Variants in URM1 observed in about 807,000 individuals in gnomAD.
The protein encoded by URM1 is ubiquitin-related modifier 1.
In URM1, 11 loss-of-function variants were observed where a neutral mutation model predicts 17.7. That is an observed-to-expected ratio of 0.62 (90% CI 0.39 to 1.03). The LOEUF is 1.03. Among genes scored for constraint, URM1 ranks in the 50% least tolerant of loss-of-function variants. The probability of loss-of-function intolerance (pLI) is 0.00; values close to 1 mark genes in which losing one functional copy is unlikely to be tolerated. For missense variants in URM1, 128 were observed against 129.2 expected, an observed-to-expected ratio of 0.99 and a Z score of 0.04; for synonymous variants, 48 against 50.6, an observed-to-expected ratio of 0.95 and a Z score of 0.22.
At chr9:128,389,643 C>T (rs201991488) in intron 4 of URM1, 23 bp from the exon 5 acceptor site, 129 of 1,613,172 alleles carry the variant, frequency 8.0e-5, no homozygotes, top group Non-Finnish European at 9.8e-5. Flanking sequence ...GAGGGTCTCC[C>T]GCTCCCCTCT....
intron 2 of URM1, among the ~76,000 whole-genome samples, chr9:128,378,366 G>A (rs557551694): frequency 1.4e-4 from 22 of 151,758 alleles, no homozygotes; most frequent in African/African-American, 4.6e-4. Flanking sequence ...GTGAAATCCT[G>A]TCTCTATTAA....
Position 128,389,735 on chromosome 9 carries a change from G to T in URM1, c.*1G>T, listed in dbSNP as rs772006352. 4 of 1,613,478 alleles carry T rather than the reference G, an allele frequency of 2.5e-6. No homozygotes were observed. Among genetic ancestry groups the T allele is most frequent in the Non-Finnish European group, 2.5e-6 (3 of 1,179,980 alleles). ...CATCTCCACTCTGCACGGCGGCTGA[G>T]GGCCCTTCTCTGGGCCTGGGCACCC... On this transcript the variant is annotated 3_prime_UTR_variant, in exon 5 of 5. Coordinates refer to ENST00000372853, the MANE Select transcript of URM1 (RefSeq NM_030914.4).
At position 128,371,419 on chromosome 9, in the gene URM1, A is replaced by T; in HGVS notation, c.35+4A>T. 1 of 1,612,834 alleles carries T rather than the reference A, an allele frequency of 6.2e-7. No individual in the cohort carries two copies. Among genetic ancestry groups the T allele is most frequent in the Non-Finnish European group, 8.5e-7 (1 of 1,179,160 alleles). ...TGTCAGTGGAGGTGGAGTTCGGGTG[A>T]GTCACAGAGCTGGGGCGCCGTGGGG... is the stretch of plus-strand genomic sequence containing the variant. On this transcript the variant is annotated splice_donor_region_variant and intron_variant, in intron 1 of 4. Transcript: ENST00000372853.
intron 2 of URM1, among the ~76,000 whole-genome samples, chr9:128,378,560 A>C (rs1464157601): frequency 4.1e-5 from 6 of 146,830 alleles, no homozygotes; most frequent in Non-Finnish European, 1.5e-5. Context: ...AAAAAAAAAA[A>C]AAAAAAAAAA....
chr9:128,386,071 C>T (rs983038887), intron 2 of URM1, among the ~76,000 whole-genome samples: 4 of 152,202 alleles, frequency 2.6e-5, no homozygotes, highest in Non-Finnish European at 4.4e-5. Context: ...AGCAGAAGCA[C>T]CTTCCCTTTG....
At chr9:128,383,267 A>G (rs1833182890) in intron 2 of URM1, among the ~76,000 whole-genome samples, 1 of 152,076 alleles carries the variant, frequency 6.6e-6, no homozygotes, top group Admixed American at 6.5e-5. Flanking sequence ...CCCCTCGCAC[A>G]TCTGTAAACC....
intron 1 of URM1, among the ~76,000 whole-genome samples, chr9:128,372,973 A>G (rs1833031911): frequency 6.6e-6 from 1 of 152,028 alleles, no homozygotes; most frequent in African/African-American, 2.4e-5. Flanking sequence ...TGAGTCAGAC[A>G]TGGTCTTTGT....
chr9:128,377,828 C>T (rs1833097361), intron 1 of URM1, among the ~76,000 whole-genome samples: 1 of 152,152 alleles, frequency 6.6e-6, no homozygotes, highest in Non-Finnish European at 1.5e-5. Context: ...CTGCTGCATT[C>T]CAGCATAGGC....
At chr9:128,386,518 G>A (rs1251909303) in intron 2 of URM1, among the ~76,000 whole-genome samples, 1 of 152,246 alleles carries the variant, frequency 6.6e-6, no homozygotes, top group Admixed American at 6.5e-5. Context: ...GCTGGCGTAC[G>A]ATCCAGGCAA....
intron 1 of URM1, among the ~76,000 whole-genome samples, chr9:128,372,995 GTC>G (rs1833032115): frequency 6.6e-6 from 1 of 152,000 alleles, no homozygotes; most frequent in Non-Finnish European, 1.5e-5. Flanking sequence ...TATCAACAAT[GTC>G]TCTGCTAGGT....
At chr9:128,375,837 T>TA (rs754749928) in intron 1 of URM1, among the ~76,000 whole-genome samples, 1 of 152,120 alleles carries the variant, frequency 6.6e-6, no homozygotes, top group Non-Finnish European at 1.5e-5. Flanking sequence ...GTGCTAGAGT[T>TA]ACAGGTGTGA....
chr9:128,373,168 A>G (rs1833033831), intron 1 of URM1, among the ~76,000 whole-genome samples: 1 of 150,238 alleles, frequency 6.7e-6, no homozygotes, highest in Non-Finnish European at 1.5e-5. Context: ...GCAGGACAAC[A>G]TTCCTCCACC....
intron 2 of URM1, among the ~76,000 whole-genome samples, chr9:128,386,765 G>A (rs564234048): frequency 6.6e-6 from 1 of 152,352 alleles, no homozygotes; most frequent in South Asian, 2.1e-4. Flanking sequence ...CTCCAGCTTA[G>A]CCCTGAGCTT....
chr9:128,384,650 A>G (rs1422539934), intron 2 of URM1, among the ~76,000 whole-genome samples: 1 of 152,166 alleles, frequency 6.6e-6, no homozygotes, highest in African/African-American at 2.4e-5. Context: ...CGAGGGGTAT[A>G]GGTTCTTCCT....
In URM1 at chr9:128,391,411, G is replaced by C. The variant is rs1359858221; in HGVS notation, c.*1677G>C. The C allele has an allele frequency of 6.6e-6, 1 of 152,334 alleles. No homozygotes were observed. The highest frequency in any genetic ancestry group is 1.5e-5 in the Non-Finnish European group (1 of 68,188). 9.4% of individuals were successfully genotyped at this position (152,334 alleles called of 1,614,324 possible). ...GGACTATGGGGAGGAGCTGGTCTGGGTGCAAATTAAGGCCAGTGTTGGGGT... is the reference window on the plus strand; with the variant it reads ...GGACTATGGGGAGGAGCTGGTCTGGCTGCAAATTAAGGCCAGTGTTGGGGT... On this transcript the variant is annotated 3_prime_UTR_variant, in exon 5 of 5. Coordinates refer to ENST00000372853, the MANE Select transcript of URM1 (RefSeq NM_030914.4).
Position 128,389,748 on chromosome 9 carries a change from G to T in URM1, c.*14G>T. ...CACGGCGGCTGAGGGCCCTTCTCTGGGCCTGGGCACCCTTAGAGGGGAGAA... is the reference window on the plus strand; with the variant it reads ...CACGGCGGCTGAGGGCCCTTCTCTGTGCCTGGGCACCCTTAGAGGGGAGAA... On this transcript the variant is annotated 3_prime_UTR_variant, in exon 5 of 5. Transcript: ENST00000372853. The T allele has an allele frequency of 6.2e-7, 1 of 1,613,356 alleles. No individual in the cohort carries two copies. Among genetic ancestry groups the T allele is most frequent in the East Asian group, 2.2e-5 (1 of 44,882 alleles).
intron 2 of URM1, 60 bp downstream of exon 2, chr9:128,378,166 G>A: frequency 8.0e-7 from 1 of 1,246,240 alleles, no homozygotes; most frequent in African/African-American, 1.5e-5. Context: ...TGGTCCATGG[G>A]GAACACTCAG....
At position 128,390,612 on chromosome 9, in the gene URM1, G is replaced by C. The variant is rs879231322; in HGVS notation, c.*878G>C. ...TCCCACCTCCTGCAGGAAGCAGGAC[G>C]GGGCAGGCAGCACCTGGTAGGCACA... is the stretch of plus-strand genomic sequence containing the variant. On this transcript the variant is annotated 3_prime_UTR_variant, in exon 5 of 5. Transcript: ENST00000372853. 6.6e-6 allele frequency: 1 copy of C among 152,466 alleles called. No individual in the cohort carries two copies. The highest frequency in any genetic ancestry group is 2.4e-5 in the African/African-American group (1 of 41,454). 9.4% of individuals were successfully genotyped at this position (152,466 alleles called of 1,614,324 possible). A position where few individuals can be genotyped will look rare whatever the true frequency, so the allele number is the denominator to read the frequency against.
intron 2 of URM1, among the ~76,000 whole-genome samples, chr9:128,380,063 T>C (rs995041047): frequency 6.6e-6 from 1 of 152,062 alleles, no homozygotes; most frequent in African/African-American, 2.4e-5. Context: ...CAGTGAGCTA[T>C]GATCACACAC....
Sources: allele counts gnomAD v4.1 joint callset (sites outside exome capture counted in the v4.1 genomes callset), GRCh38; gene constraint gnomAD v4.1.1; transcripts MANE v1.5; gene names NCBI Gene and HGNC (gene_info 2026-07-23, HGNC 2026-07-21).